PRKN: variants seen among roughly 807,000 people sequenced by gnomAD.
PRKN encodes the protein E3 ubiquitin-protein ligase parkin.
In PRKN, 56 loss-of-function variants were observed where a neutral mutation model predicts 59.5. The ratio of observed to expected loss-of-function variants is 0.94; its 90% CI spans 0.76 to 1.18. PRKN has a LOEUF of 1.18. PRKN is among the 50% of genes most tolerant of loss of function. The probability of loss-of-function intolerance (pLI) is 0.00; values close to 1 mark genes in which losing one functional copy is unlikely to be tolerated. For synonymous variants in PRKN, 250 were observed against 222.1 expected, an observed-to-expected ratio of 1.13 and a Z score of -1.12; for missense variants, 657 against 596.4, an observed-to-expected ratio of 1.10 and a Z score of -1.06.
intron 6 of PRKN, among the ~76,000 whole-genome samples, chr6:161,847,069 G>A (rs1793229654): frequency 6.6e-6 from 1 of 152,166 alleles, no homozygotes; most frequent in South Asian, 2.1e-4. Flanking sequence ...CAGCACTGTG[G>A]GAGGCCGGGG....
rs1778005016 is a variant in PRKN, at chr6:161,502,672, C to CTCTGG, written c.1083+46181_1083+46182insCCAGA. 6.6e-6 allele frequency among the ~76,000 whole-genome samples: 1 copy of CTCTGG among 152,030 alleles called. No homozygotes were observed. The highest frequency in any genetic ancestry group is 1.5e-5 in the Non-Finnish European group (1 of 68,020). On this transcript the variant is annotated intron_variant, in intron 9 of 11. Coordinates refer to ENST00000366898, the MANE Select transcript of PRKN (RefSeq NM_004562.3). The surrounding 1 kb of genome is among the most constrained non-coding windows in gnomAD (Gnocchi z 4.0). The stretch of plus-strand genomic sequence containing the variant: ...TTGGGAGTAGCAACCTCTGGAGTAC[C>CTCTGG]AGTGCATTTATGGAAAGATAATAGT...
intron 1 of PRKN, among the ~76,000 whole-genome samples, chr6:162,449,456 T>C (rs1336843036): frequency 3.3e-5 from 5 of 152,244 alleles, no homozygotes; most frequent in Non-Finnish European, 7.3e-5. Flanking sequence ...CAATGTTAAG[T>C]GACCTTGCAT....
Position 161,354,387 on chromosome 6 carries a change from C to T in PRKN, c.1286-4176G>A, listed in dbSNP as rs960090251. Among the ~76,000 whole-genome samples the T allele has an allele frequency of 4.6e-5, 7 of 152,166 alleles. No individual in the cohort carries two copies. The highest frequency in any genetic ancestry group is 1.0e-4 in the Non-Finnish European group (7 of 68,042). On this transcript the variant is annotated intron_variant, in intron 11 of 11. Coordinates refer to ENST00000366898, the MANE Select transcript of PRKN (RefSeq NM_004562.3). The surrounding 1 kb of genome is among the most constrained non-coding windows in gnomAD (Gnocchi z 6.7). ...CTCAAACCATGAAAAGCTCAGCCTA[C>T]GCCGGGCAGTCGACATCGTGGCTCC...
At chr6:161,645,646 G>A (rs1783902231) in intron 7 of PRKN, among the ~76,000 whole-genome samples, 1 of 152,218 alleles carries the variant, frequency 6.6e-6, no homozygotes, top group Non-Finnish European at 1.5e-5. Flanking sequence ...GGATGTTAAT[G>A]TCCTAGCTAT....
At chr6:162,650,597 CAAA>C (rs142452684) in intron 1 of PRKN, among the ~76,000 whole-genome samples, 4 of 95,360 alleles carry the variant, frequency 4.2e-5, no homozygotes, top group Admixed American at 2.3e-4. Flanking sequence ...GACTCCGTCT[CAAA>C]AAAAAAAAAA....
chr6:162,116,997 G>C (rs1005520309), intron 4 of PRKN, among the ~76,000 whole-genome samples: 2 of 152,194 alleles, frequency 1.3e-5, no homozygotes, highest in Non-Finnish European at 2.9e-5. Context: ...CAGGATAGAA[G>C]GCAGAGTTTC....
intron 6 of PRKN, among the ~76,000 whole-genome samples, chr6:161,965,311 AAGGGTTG>A (rs1405218393): frequency 1.3e-5 from 2 of 152,100 alleles, no homozygotes; most frequent in African/African-American, 4.8e-5. Context: ...TCTTTATTGG[AAGGGTTG>A]AGGGAAATAA....
intron 4 of PRKN, among the ~76,000 whole-genome samples, chr6:162,188,294 T>G (rs947117051): frequency 6.6e-6 from 1 of 152,158 alleles, no homozygotes; most frequent in African/African-American, 2.4e-5. Flanking sequence ...GCATGAAATT[T>G]CCAGTGGCTC....
intron 4 of PRKN, among the ~76,000 whole-genome samples, chr6:162,153,302 G>A (rs977869351): frequency 5.9e-5 from 9 of 152,350 alleles, no homozygotes; most frequent in Non-Finnish European, 7.3e-5. Flanking sequence ...GGGAAGGAAC[G>A]TGTAGGGAAG....
At chr6:162,101,679 A>C (rs1779977357) in intron 4 of PRKN, among the ~76,000 whole-genome samples, 1 of 152,240 alleles carries the variant, frequency 6.6e-6, no homozygotes, top group Non-Finnish European at 1.5e-5. Flanking sequence ...CTCTAAAAAA[A>C]AAAACCAATT....
At chr6:162,681,081 A>T (rs138547271) in intron 1 of PRKN, among the ~76,000 whole-genome samples, 1,646 of 152,290 alleles carry the variant, frequency 0.011, 21 homozygotes, top group African/African-American at 0.038. Flanking sequence ...GTTTTTGAAA[A>T]AGATTCCAGG....
intron 2 of PRKN, among the ~76,000 whole-genome samples, chr6:162,396,131 T>C (rs1387637371): frequency 6.6e-6 from 1 of 150,412 alleles, no homozygotes; most frequent in African/African-American, 2.4e-5. Flanking sequence ...TGCAGAGCTT[T>C]TGTTTTCACT....
chr6:161,643,337 G>A (rs1211216810), intron 7 of PRKN, among the ~76,000 whole-genome samples: 1 of 152,124 alleles, frequency 6.6e-6, no homozygotes, highest in Non-Finnish European at 1.5e-5. Flanking sequence ...AAGCTCTCTA[G>A]TCTCAAATAT....
intron 9 of PRKN, among the ~76,000 whole-genome samples, chr6:161,476,407 T>G (rs556062831): frequency 4.6e-5 from 7 of 152,198 alleles, no homozygotes; most frequent in Admixed American, 6.5e-5. Flanking sequence ...AGCTTTTGTT[T>G]GTGGGATTAC....
At chr6:162,297,484 G>C (rs183933338) in intron 2 of PRKN, among the ~76,000 whole-genome samples, 1 of 152,106 alleles carries the variant, frequency 6.6e-6, no homozygotes, top group African/African-American at 2.4e-5. Context: ...AAGAACTTCT[G>C]TTTGAAGAGT....
At position 162,684,730 on chromosome 6, in the gene PRKN, C is replaced by T. The variant is rs561172430; in HGVS notation, c.7+42932G>A. 3.3e-5 allele frequency among the ~76,000 whole-genome samples: 5 copies of T among 152,186 alleles called. No homozygotes were observed. The South Asian group carries it at 8.3e-4, about 25-fold the overall frequency. On this transcript the variant is annotated intron_variant, in intron 1 of 11. Coordinates refer to ENST00000366898, the MANE Select transcript of PRKN (RefSeq NM_004562.3). ...AGGTTACTTATTTTAAATCTGTTCA[C>T]TGTTAGTGAGGTAAATTATTCAAAA...
In PRKN at chr6:161,445,829, C is replaced by T. The variant is rs77835053; in HGVS notation, c.1084-58952G>A. ...CCTTCCCTTCCCTTCCCTTCCCTTCCCTTCCCTATCGACAGCCTTGCAGGG... is the reference window on the plus strand; with the variant it reads ...CCTTCCCTTCCCTTCCCTTCCCTTCTCTTCCCTATCGACAGCCTTGCAGGG... On this transcript the variant is annotated intron_variant, in intron 9 of 11. Transcript: ENST00000366898. The surrounding 1 kb of genome is among the most constrained non-coding windows in gnomAD (Gnocchi z 7.7). Among the ~76,000 whole-genome samples the T allele has an allele frequency of 0.054, 8,242 of 152,028 alleles. 306 individuals carry two copies. The highest frequency in any genetic ancestry group is 0.097 in the Admixed American group (1,477 of 15,256).
At chr6:162,325,168 A>G (rs1417381952) in intron 2 of PRKN, among the ~76,000 whole-genome samples, 1 of 123,442 alleles carries the variant, frequency 8.1e-6, no homozygotes, top group South Asian at 2.6e-4. Flanking sequence ...CAGCTCCTGG[A>G]AGACTTCAGG....
At chr6:162,428,596 T>A (rs1392291336) in intron 2 of PRKN, among the ~76,000 whole-genome samples, 6 of 152,168 alleles carry the variant, frequency 3.9e-5, no homozygotes, top group Non-Finnish European at 7.3e-5. Flanking sequence ...GTTCTATATC[T>A]CACATAGCCA....
Sources: allele counts gnomAD v4.1 joint callset (sites outside exome capture counted in the v4.1 genomes callset), GRCh38; gene constraint gnomAD v4.1.1; non-coding constraint Gnocchi (gnomAD v3.1); transcripts MANE v1.5; gene names NCBI Gene and HGNC (gene_info 2026-07-23, HGNC 2026-07-21).